The following FXYD4 variants were observed in gnomAD, a reference collection of about 807,000 sequenced individuals.
FXYD4 encodes the protein FXYD domain containing ion transport regulator 4.
A neutral mutation model predicts 18.3 loss-of-function variants in FXYD4; 14 were observed. The observed-to-expected ratio is 0.77, with a 90% CI of 0.51 to 1.20. The LOEUF (loss-of-function observed/expected upper bound fraction) is 1.20, where lower values mean the gene tolerates loss of function less well. FXYD4 is among the 50% of genes most tolerant of loss of function. The probability of loss-of-function intolerance (pLI) is 0.00; values close to 1 mark genes in which losing one functional copy is unlikely to be tolerated. For missense variants in FXYD4, 99 were observed against 106.1 expected (o/e 0.93, Z 0.29); for synonymous variants, 40 against 40.5 (o/e 0.99, Z 0.04).
rs1837858876 is a variant in FXYD4, at chr10:43,375,519, A to G, written c.118A>G (p.Ser40Gly). The G allele has an allele frequency of 6.2e-7, 1 of 1,613,732 alleles. No individual in the cohort carries two copies. Among genetic ancestry groups the G allele is most frequent in the Admixed American group, 1.7e-5 (1 of 59,976 alleles). The change falls in exon 6 of 9, where the codon AGC becomes GGC. Residue 40 changes from serine to glycine, a missense_variant. Coordinates refer to ENST00000476166, the MANE Select transcript of FXYD4 (RefSeq NM_173160.3). The stretch of plus-strand genomic sequence containing the variant: ...CCCAGACTGGAAAAACCTGCAGCTG[A>G]GCGGACTGATCTGCGGAGGGCTCCT... ...FYYDWKNLQLSGLICGGLLAI... is the reference protein window; with the variant it reads ...FYYDWKNLQLGGLICGGLLAI...
chr10:43,375,747 C>G lies in FXYD4; in HGVS notation c.212+13C>G, dbSNP rs756788571. 5.6e-6 allele frequency: 9 copies of G among 1,613,718 alleles called. No individual in the cohort carries two copies. The East Asian group carries it at 2.0e-4, about 36-fold the overall frequency. ...AGAAGCAGCACAGGTGAGCCTGACC[C>G]TATGGTGCCCTCCTCCTTCGGGGCA... On this transcript the variant is annotated intron_variant, in intron 7 of 8. Transcript: ENST00000476166.
chr10:43,372,200 C>A (rs1837815872), intron 1 of FXYD4, among the ~76,000 whole-genome samples: 1 of 152,084 alleles, frequency 6.6e-6, no homozygotes, highest in Non-Finnish European at 1.5e-5. Flanking sequence ...AGCCCAAGAA[C>A]CGATGTTCAG....
intron 3 of FXYD4, 88 bp downstream of exon 3, chr10:43,373,871 T>TCCCAAAGGGATTCAATTGAATTG (rs1837837659): frequency 2.3e-6 from 2 of 870,060 alleles, no homozygotes; most frequent in South Asian, 2.6e-5. Context: ...TTTGGGAGTC[T>TCCCAAAGGGATTCAATTGAATTG]GGTGTTCAAT....
Position 43,372,781 on chromosome 10 carries a change from C to T in FXYD4, c.-233+9C>T, listed in dbSNP as rs1189311411. The stretch of plus-strand genomic sequence containing the variant: ...GCAGAGTCACACAGTTGGTAAGTTG[C>T]TAAGAAGGGACCCAGCCCAGACAGC... On this transcript the variant is annotated intron_variant, in intron 2 of 8. Transcript: ENST00000476166. 1 of 152,194 alleles carries T rather than the reference C, an allele frequency of 6.6e-6. No individual in the cohort carries two copies. Among genetic ancestry groups the T allele is most frequent in the Non-Finnish European group, 1.5e-5 (1 of 68,064 alleles). 9.4% of individuals were successfully genotyped at this position (152,194 alleles called of 1,614,324 possible).
At position 43,374,629 on chromosome 10, in the gene FXYD4, C is replaced by T. The variant is rs1253179368; in HGVS notation, c.87C>T (p.Pro29=). The change falls in exon 5 of 9, where the codon CCC becomes CCT. Residue 29 remains proline (P), a synonymous_variant. Transcript: ENST00000476166. ...ANDPFANKDD[P]FYYDWKNLQL... ...TTTTTCTAGCCAATAAAGACGATCC[C>T]TTCTACTATGGTAAGAGCTGATATT... is the stretch of plus-strand genomic sequence containing the variant. 3.1e-6 allele frequency: 5 copies of T among 1,613,396 alleles called. No homozygotes were observed. Among genetic ancestry groups the T allele is most frequent in the Non-Finnish European group, 4.2e-6 (5 of 1,179,334 alleles).
Position 43,375,021 on chromosome 10 carries a change from C to CTTT in FXYD4, c.97+403_97+405dup, listed in dbSNP as rs964746350. 8.0e-3 allele frequency among the ~76,000 whole-genome samples: 746 copies of CTTT among 93,468 alleles called. 1 individual carries two copies. The highest frequency in any genetic ancestry group is 0.012 in the East Asian group (42 of 3,464). The allele number at this position is 93,468 out of a possible 152,430, so 61.3% of individuals were successfully genotyped here. A position where few individuals can be genotyped will look rare whatever the true frequency, so the allele number is the denominator to read the frequency against. On this transcript the variant is annotated intron_variant, in intron 5 of 8. Transcript: ENST00000476166. Reference sequence around the variant, plus strand: ...GCCCTTTCTTTGCGCATGTCCACTTCTTTTTTTTTTTTTTTTTTTTTTTGA... The same window carrying CTTT: ...GCCCTTTCTTTGCGCATGTCCACTTCTTTTTTTTTTTTTTTTTTTTTTTTTTGA...
chr10:43,374,347 T>C, intron 3 of FXYD4, 123 bp from the exon 4 acceptor site: 2 of 894,870 alleles, frequency 2.2e-6, no homozygotes, highest in Non-Finnish European at 3.8e-6. Context: ...GGGGAGGGCG[T>C]GAGGAAGGGA....
At chr10:43,375,274 G>A (rs539799556) in intron 5 of FXYD4, among the ~76,000 whole-genome samples, 12 of 152,080 alleles carry the variant, frequency 7.9e-5, no homozygotes, top group Middle Eastern at 3.4e-3. Context: ...TGATCTGCCC[G>A]CCTCGGCCTC....
chr10:43,375,677 C>G lies in FXYD4; in HGVS notation c.173-18C>G, dbSNP rs775399584. ...ATTCCAGCACTGACCCTGGCGCTGA[C>G]CCCTCTCTCTCTCCCAGGTGGCAAA... On this transcript the variant is annotated intron_variant, in intron 6 of 8. Coordinates refer to ENST00000476166, the MANE Select transcript of FXYD4 (RefSeq NM_173160.3). The G allele has an allele frequency of 6.2e-7, 1 of 1,613,812 alleles. No individual in the cohort carries two copies. The highest frequency in any genetic ancestry group is 1.7e-5 in the Admixed American group (1 of 60,010).
intron 3 of FXYD4, 123 bp downstream of exon 3, chr10:43,373,906 A>G (rs1837837882): frequency 5.2e-6 from 4 of 769,912 alleles, no homozygotes; most frequent in East Asian, 4.9e-5. Flanking sequence ...TAAACTGCCA[A>G]TTTAGAGAGA....
At chr10:43,372,660 A>G (rs1837821962) in intron 1 of FXYD4, 67 bp from the exon 2 acceptor site, 1 of 152,240 alleles carries the variant, frequency 6.6e-6, no homozygotes, top group African/African-American at 2.4e-5. Context: ...GACAAATAGT[A>G]GTTCACGTAA....
intron 3 of FXYD4, 75 bp from the exon 4 acceptor site, chr10:43,374,395 G>A (rs756697538): frequency 9.8e-6 from 14 of 1,435,684 alleles, no homozygotes; most frequent in Non-Finnish European, 1.3e-5. Flanking sequence ...CCTCCGGGCT[G>A]GGGTCCTGCT....
intron 4 of FXYD4, 43 bp from the exon 5 acceptor site, chr10:43,374,570 T>A: frequency 6.2e-7 from 1 of 1,612,874 alleles, no homozygotes; most frequent in Non-Finnish European, 8.5e-7. Context: ...ACATCCTGTC[T>A]CCTGGTTCTG....
rs772578602 is a variant in FXYD4 at position 43,373,698 on chromosome 10, C to T, written c.-49C>T. The T allele has an allele frequency of 1.7e-5, 19 of 1,127,156 alleles. No homozygotes were observed. The highest frequency in any genetic ancestry group is 3.4e-5 in the Admixed American group (2 of 59,412). 69.8% of individuals were successfully genotyped at this position (1,127,156 alleles called of 1,614,324 possible). A position where few individuals can be genotyped will look rare whatever the true frequency, so the allele number is the denominator to read the frequency against. On this transcript the variant is annotated 5_prime_UTR_variant, in exon 3 of 9. Coordinates refer to ENST00000476166, the MANE Select transcript of FXYD4 (RefSeq NM_173160.3). ...TGGAGCAGATCCGTGGGCTGCAGAC[C>T]CCCGCCCCAGTGCCTCTCCCCCTGC...
At chr10:43,375,840 T>C in intron 7 of FXYD4, 106 bp downstream of exon 7, 3 of 1,326,966 alleles carry the variant, frequency 2.3e-6, no homozygotes, top group East Asian at 2.3e-5. Context: ...GGCTTGCAGC[T>C]GGCTTTGTTA....
intron 3 of FXYD4, 47 bp downstream of exon 3, chr10:43,373,830 A>T: frequency 7.5e-7 from 1 of 1,329,484 alleles, no homozygotes; most frequent in Non-Finnish European, 1.1e-6. Context: ...CACCCCACCC[A>T]CAAAGGCAGC....
At chr10:43,372,044 CAAAA>C (rs60010547) in intron 1 of FXYD4, among the ~76,000 whole-genome samples, 3 of 138,486 alleles carry the variant, frequency 2.2e-5, no homozygotes, top group Admixed American at 7.3e-5. Flanking sequence ...GACCCTGTCT[CAAAA>C]AAAAAAAAAA....
chr10:43,375,904 TG>T (rs1279249715), intron 7 of FXYD4, 127 bp from the exon 8 acceptor site: 2 of 1,224,248 alleles, frequency 1.6e-6, no homozygotes, highest in African/African-American at 3.0e-5. Flanking sequence ...ACCTCGGTAT[TG>T]TGGGAAGTGA....
rs758303047 is a variant in FXYD4 at position 43,375,754 on chromosome 10, G to A, written c.212+20G>A. ...GCACAGGTGAGCCTGACCCTATGGT[G>A]CCCTCCTCCTTCGGGGCAGAACTAC... On this transcript the variant is annotated intron_variant, in intron 7 of 8. Transcript: ENST00000476166. The A allele has an allele frequency of 6.2e-7, 1 of 1,613,416 alleles. No homozygotes were observed. Among genetic ancestry groups the A allele is most frequent in the South Asian group, 1.1e-5 (1 of 91,068 alleles).
Sources: gnomAD v4.1 joint callset for allele counts (sites outside exome capture counted in the v4.1 genomes callset) on GRCh38, gnomAD v4.1.1 for gene constraint, MANE v1.5 for transcripts, NCBI Gene and HGNC (gene_info 2026-07-23, HGNC 2026-07-21) for gene names.